The following PTPN14 variants were observed in gnomAD, a reference collection of about 807,000 sequenced individuals.
PTPN14 encodes the protein protein tyrosine phosphatase non-receptor type 14, also known as tyrosine-protein phosphatase non-receptor type 14.
PTPN14 carries 53 observed loss-of-function variants against 126.8 expected under a neutral mutation model. That is an observed-to-expected ratio of 0.42 (90% CI 0.34 to 0.53). The LOEUF (loss-of-function observed/expected upper bound fraction) is 0.53. Ranked by LOEUF, PTPN14 falls within the 20% of genes least tolerant of loss-of-function variation. The pLI is 0.08. For missense variants in PTPN14, 1,257 were observed against 1,552.9 expected (o/e 0.81, Z 3.20); for synonymous variants, 630 against 599.3 (o/e 1.05, Z -0.75).
chr1:214,528,087 A>G (rs1474198693), intron 1 of PTPN14, among the ~76,000 whole-genome samples: 1 of 152,250 alleles, frequency 6.6e-6, no homozygotes, highest in Non-Finnish European at 1.5e-5. Context: ...GTATAAAACA[A>G]AACAGTGACT....
chr1:214,450,407 G>A (rs1300414458), intron 3 of PTPN14, among the ~76,000 whole-genome samples: 4 of 151,618 alleles, frequency 2.6e-5, no homozygotes, highest in Admixed American at 1.3e-4. Flanking sequence ...GGGAGGTGGA[G>A]GCTGCAGTAA....
intron 17 of PTPN14, 111 bp downstream of exon 17, chr1:214,369,346 T>C (rs1172884257): frequency 1.1e-6 from 1 of 939,324 alleles, no homozygotes; most frequent in African/African-American, 1.6e-5. Flanking sequence ...TATAATACTT[T>C]TGCCACTTAA....
chr1:214,511,037 C>T (rs946484452), intron 1 of PTPN14, among the ~76,000 whole-genome samples: 1 of 149,498 alleles, frequency 6.7e-6, no homozygotes, highest in Non-Finnish European at 1.5e-5. Flanking sequence ...TGCCACCAGG[C>T]CAAACTAAGT....
In PTPN14 at chr1:214,369,467, T is replaced by G; in HGVS notation, c.3261A>C (p.Gln1087His). The G allele has an allele frequency of 6.2e-7, 1 of 1,613,696 alleles. No individual in the cohort carries two copies. Among genetic ancestry groups the G allele is most frequent in the African/African-American group, 1.3e-5 (1 of 75,044 alleles). The change falls in exon 17 of 19, where the codon CAA (glutamine) becomes CAC (histidine). Residue 1087 changes from glutamine to histidine, a missense_variant. By Grantham distance (24) the Gln-to-His change is conservative. This residue lies in a region of PTPN14 where 171 missense variants were observed against 229.8 expected (regional missense o/e 0.74). Transcript: ENST00000366956. ...AAGAAAAACACTTACATAAAAATCCTTGGACATCTTCTGGACAGCCGTGAT... is the reference window on the plus strand; with the variant it reads ...AAGAAAAACACTTACATAAAAATCCGTGGACATCTTCTGGACAGCCGTGAT... ...WPDHGCPEDV[Q>H]GFLSYLEEIQ...
chr1:214,390,967 C>A, intron 11 of PTPN14, 21 bp downstream of exon 11: 1 of 1,469,306 alleles, frequency 6.8e-7, no homozygotes, highest in South Asian at 1.4e-5. Flanking sequence ...ATCACTTGAT[C>A]ACTGCAGCTT....
rs373137170 is a variant in PTPN14, at chr1:214,427,881, G to A, written c.345-13155C>T. Among the ~76,000 whole-genome samples the A allele has an allele frequency of 8.7e-4, 133 of 152,314 alleles. 3 individuals are homozygous for A. In the South Asian group the frequency reaches 0.027, roughly 30 times the overall value. ...GGCAAGTAGAAAGGCTTTCAGGAGA[G>A]CTAGTGTCGTGCATTCATGAATGTT... On this transcript the variant is annotated intron_variant, in intron 3 of 18. Transcript: ENST00000366956.
At chr1:214,480,781 T>C (rs1660966527) in intron 1 of PTPN14, among the ~76,000 whole-genome samples, 3 of 152,214 alleles carry the variant, frequency 2.0e-5, no homozygotes, top group Admixed American at 1.3e-4. Context: ...TATATTTATA[T>C]ATCATTTTCT....
chr1:214,497,577 A>G (rs1315638953), intron 1 of PTPN14, among the ~76,000 whole-genome samples: 1 of 152,130 alleles, frequency 6.6e-6, no homozygotes, highest in Non-Finnish European at 1.5e-5. Context: ...CATTATTTAT[A>G]ATACAGAAAA....
intron 3 of PTPN14, 45 bp from the exon 4 acceptor site, chr1:214,414,771 T>C: frequency 1.4e-6 from 2 of 1,454,796 alleles, no homozygotes; most frequent in Non-Finnish European, 1.9e-6. Context: ...AAACACATAC[T>C]TGGAATATAT....
chr1:214,526,196 C>T (rs1655392861), intron 1 of PTPN14, among the ~76,000 whole-genome samples: 1 of 151,996 alleles, frequency 6.6e-6, no homozygotes, highest in African/African-American at 2.4e-5. Flanking sequence ...GAACTCCTGA[C>T]TTCAGGTGAT....
chr1:214,430,205 C>A (rs61819591), intron 3 of PTPN14, among the ~76,000 whole-genome samples: 12,642 of 152,246 alleles, frequency 0.083, 678 homozygotes, highest in Middle Eastern at 0.12. Flanking sequence ...TTCACACTTT[C>A]CGCTCATCCA....
chr1:214,393,676 G>T lies in PTPN14; in HGVS notation c.929+19C>A, dbSNP rs777593550. On this transcript the variant is annotated intron_variant, in intron 10 of 18. Transcript: ENST00000366956. Reference sequence around the variant, plus strand: ...TCTGACAAAGCCATCAAGTCGGGGGGGATTAAATGTTTACTTACTCAGTGC... The same window carrying T: ...TCTGACAAAGCCATCAAGTCGGGGGTGATTAAATGTTTACTTACTCAGTGC... The T allele has an allele frequency of 2.0e-6, 3 of 1,531,360 alleles. No individual in the cohort carries two copies. The highest frequency in any genetic ancestry group is 1.1e-5 in the South Asian group (1 of 89,148). The allele number at this position is 1,531,360 out of a possible 1,614,324, so 94.9% of individuals were successfully genotyped here.
At chr1:214,532,450 AC>A in intron 1 of PTPN14, 1 of 806,884 alleles carries the variant, frequency 1.2e-6, no homozygotes, top group Non-Finnish European at 2.1e-6. Flanking sequence ...CTGAAAGACC[AC>A]CTGGCCTCCT....
intron 1 of PTPN14, among the ~76,000 whole-genome samples, chr1:214,537,080 C>T (rs1405057791): frequency 1.3e-5 from 2 of 152,186 alleles, no homozygotes; most frequent in African/African-American, 2.4e-5. Flanking sequence ...TTTCTAAAAA[C>T]AATTTATTTT....
At chr1:214,459,350 A>C (rs2102644908) in intron 2 of PTPN14, among the ~76,000 whole-genome samples, 1 of 150,680 alleles carries the variant, frequency 6.6e-6, no homozygotes, top group Middle Eastern at 3.5e-3. Flanking sequence ...ATGGGGTTTC[A>C]CTATGTTGGC....
chr1:214,372,302 C>A, intron 16 of PTPN14: 1 of 125,336 alleles, frequency 8.0e-6, no homozygotes, highest in Non-Finnish European at 1.5e-5. Context: ...AGCTGGGTGC[C>A]TGGAGTTGGG....
In PTPN14 at chr1:214,513,633, T is replaced by C. The variant is rs150478520; in HGVS notation, c.-155+37550A>G. 3.6e-4 allele frequency among the ~76,000 whole-genome samples: 55 copies of C among 152,290 alleles called. No homozygotes were observed. The East Asian group carries it at 0.01, about 29-fold the overall frequency. On this transcript the variant is annotated intron_variant, in intron 1 of 18. Coordinates refer to ENST00000366956, the MANE Select transcript of PTPN14 (RefSeq NM_005401.5). Reference sequence around the variant, plus strand: ...CCTAGCCCCATAGGCATTTGGATTTTTAACCTGCATTCCATCTTGTGCCTG... The same window carrying C: ...CCTAGCCCCATAGGCATTTGGATTTCTAACCTGCATTCCATCTTGTGCCTG...
At chr1:214,435,808 A>C (rs993742248) in intron 3 of PTPN14, among the ~76,000 whole-genome samples, 1 of 152,210 alleles carries the variant, frequency 6.6e-6, no homozygotes, top group African/African-American at 2.4e-5. Context: ...AGTCATGGTA[A>C]ATCAGCCATG....
At chr1:214,425,554 C>A (rs752208033) in intron 3 of PTPN14, among the ~76,000 whole-genome samples, 1 of 152,162 alleles carries the variant, frequency 6.6e-6, no homozygotes. Context: ...GACCGCCTTA[C>A]TATGCATTCA....
Sources: allele counts gnomAD v4.1 joint callset (sites outside exome capture counted in the v4.1 genomes callset), GRCh38; gene constraint gnomAD v4.1.1; regional missense constraint gnomAD v4.1.1; transcripts MANE v1.5; gene names NCBI Gene and HGNC (gene_info 2026-07-23, HGNC 2026-07-21).